MTNR1B: variants seen among roughly 807,000 people sequenced by gnomAD.
MTNR1B encodes the protein melatonin receptor 1B.
A neutral mutation model predicts 7.0 loss-of-function variants in MTNR1B; 7 were observed. The observed-to-expected ratio is 1.00, with a 90% confidence interval of 0.57 to 1.88. The LOEUF (loss-of-function observed/expected upper bound fraction) is 1.88, where lower values mean the gene tolerates loss of function less well. MTNR1B is among the 40% of genes most tolerant of loss of function. The pLI, the probability that MTNR1B is intolerant of heterozygous loss-of-function variation, is 0.00. For synonymous variants in MTNR1B, 226 were observed against 208.2 expected, an observed-to-expected ratio of 1.09 and a Z score of -0.74; for missense variants, 478 against 486.5, an observed-to-expected ratio of 0.98 and a Z score of 0.16.
At position 92,981,653 on chromosome 11, in the gene MTNR1B, C is replaced by T; in HGVS notation, c.430C>T (p.His144Tyr). Residue 144 changes from histidine (H) to tyrosine (Y), a missense_variant, in exon 2 of 2, where the codon CAC becomes TAC. By Grantham distance (83) the His-to-Tyr change is moderately conservative (BLOSUM62 2). Coordinates refer to ENST00000257068, the MANE Select transcript of MTNR1B (RefSeq NM_005959.5). The part of the protein sequence containing the change: ...IAINRYCYIC[H>Y]SMAYHRIYRR... ...CATTAACCGCTACTGCTACATCTGC[C>T]ACAGCATGGCCTACCACCGAATCTA... The T allele has an allele frequency of 6.2e-7, 1 of 1,614,172 alleles. No individual in the cohort carries two copies. Among genetic ancestry groups the T allele is most frequent in the Non-Finnish European group, 8.5e-7 (1 of 1,180,038 alleles).
downstream of MTNR1B, among the ~76,000 whole-genome samples, chr11:92,983,028 TC>T (rs1276788000): frequency 2.1e-5 from 3 of 145,480 alleles, no homozygotes; most frequent in African/African-American, 7.6e-5. Context: ...TCCATCATGT[TC>T]AGGTTGTGTG....
rs144605155 is a variant in MTNR1B at position 92,973,156 on chromosome 11, G to A, written c.223+3208G>A. 5.3e-5 allele frequency among the ~76,000 whole-genome samples: 8 copies of A among 152,026 alleles called. No individual in the cohort carries two copies. In the East Asian group the frequency reaches 1.6e-3, roughly 30 times the overall value. On this transcript the variant is annotated intron_variant, in intron 1 of 1. Coordinates refer to ENST00000257068, the MANE Select transcript of MTNR1B (RefSeq NM_005959.5). ...GATCTCCTTTTTCTCTTCATCTCCCGGATACCTGTGCCCTGAAAGTCATCT... is the reference window on the plus strand; with the variant it reads ...GATCTCCTTTTTCTCTTCATCTCCCAGATACCTGTGCCCTGAAAGTCATCT...
chr11:92,981,796 CTT>C lies in MTNR1B; in HGVS notation c.574_575del (p.Phe192HisfsTer76). The C allele has an allele frequency of 6.2e-7, 1 of 1,614,206 alleles. No individual in the cohort carries two copies. The highest frequency in any genetic ancestry group is 8.5e-7 in the Non-Finnish European group (1 of 1,180,048). On this transcript the variant is annotated frameshift_variant, in exon 2 of 2. Transcript: ENST00000257068. LOFTEE classifies it low-confidence loss of function (END_TRUNC). ...ACGACCCACGCATCTATTCCTGCAC[CTT>C]CATCCAGACCGCCAGCACCCAGTAC... ...EYDPRIYSCT[F>X]IQTASTQYTA...
At position 92,969,681 on chromosome 11, in the gene MTNR1B, T is replaced by C; in HGVS notation, c.-45T>C. 7.2e-7 allele frequency: 1 copy of C among 1,394,690 alleles called. No individual in the cohort carries two copies. The highest frequency in any genetic ancestry group is 2.9e-5 in the Admixed American group (1 of 34,362). The allele number at this position is 1,394,690 out of a possible 1,614,324, so 86.4% of individuals were successfully genotyped here. ...CAGTACTGCGCGCGCCCTGCGGCTG[T>C]CCGGGGCCGCGCGGTGGCCAAAGCA... On this transcript the variant is annotated 5_prime_UTR_variant, in exon 1 of 2. Transcript: ENST00000257068.
At chr11:92,972,653 G>T (rs1013842521) in intron 1 of MTNR1B, 11 of 411,946 alleles carry the variant, frequency 2.7e-5, no homozygotes, top group African/African-American at 8.2e-5. Flanking sequence ...CCATGGCACT[G>T]GGTTGGCACC....
intron 1 of MTNR1B, among the ~76,000 whole-genome samples, chr11:92,979,569 C>T (rs1179768972): frequency 6.6e-6 from 1 of 152,210 alleles, no homozygotes; most frequent in Non-Finnish European, 1.5e-5. Context: ...ATCCAACTTG[C>T]TGGACAATCT....
chr11:92,969,821 G>A lies in MTNR1B; in HGVS notation c.96G>A (p.Arg32=), dbSNP rs767402510. ...GGGCTGGCAGCGCGCGGCCCTCCAG[G>A]ACCCCTCGACCTCCCTGGGTGGCTC... ...WSGAGSARPS[R]TPRPPWVAPA... is the part of the protein sequence containing the mutation. The change falls in exon 1 of 2, where the codon AGG becomes AGA. Residue 32 remains arginine (R), a synonymous_variant. Transcript: ENST00000257068. 5.0e-6 allele frequency: 8 copies of A among 1,596,298 alleles called. No individual in the cohort carries two copies. In the South Asian group the frequency reaches 5.7e-5, roughly 11 times the overall value.
downstream of MTNR1B, among the ~76,000 whole-genome samples, chr11:92,984,532 G>A (rs925382524): frequency 2.0e-5 from 3 of 152,158 alleles, no homozygotes; most frequent in African/African-American, 7.2e-5. Context: ...ATTGTTTTCT[G>A]TTCTTGCTGC....
rs916408884 is a variant in MTNR1B, at chr11:92,981,670, C to T, written c.447C>T (p.His149=). Residue 149 remains histidine (H), a synonymous_variant, in exon 2 of 2, where the codon CAC becomes CAT. Transcript: ENST00000257068. The part of the protein sequence containing the change: ...YCYICHSMAY[H]RIYRRWHTPL... The stretch of plus-strand genomic sequence containing the variant: ...ACATCTGCCACAGCATGGCCTACCA[C>T]CGAATCTACCGGCGCTGGCACACCC... 40 of 1,614,134 alleles carry T rather than the reference C, an allele frequency of 2.5e-5. No homozygotes were observed. The highest frequency in any genetic ancestry group is 3.3e-5 in the Non-Finnish European group (39 of 1,180,058).
chr11:92,983,164 G>C (rs1858147936), downstream of MTNR1B, among the ~76,000 whole-genome samples: 1 of 152,100 alleles, frequency 6.6e-6, no homozygotes, highest in Non-Finnish European at 1.5e-5. Flanking sequence ...GCAGAGCTGA[G>C]GACAGTGCCT....
intron 1 of MTNR1B, chr11:92,972,516 G>T: frequency 2.2e-6 from 1 of 456,158 alleles, no homozygotes; most frequent in Non-Finnish European, 4.4e-6. Context: ...TTCAGAGATA[G>T]CACCAGAGAA....
intron 1 of MTNR1B, among the ~76,000 whole-genome samples, chr11:92,970,215 C>T: frequency 6.6e-6 from 1 of 152,222 alleles, no homozygotes; most frequent in Admixed American, 6.5e-5. Context: ...GGCGCCGGCG[C>T]TGTGGGAACC....
chr11:92,977,505 A>G (rs1369606270), intron 1 of MTNR1B, among the ~76,000 whole-genome samples: 2 of 152,216 alleles, frequency 1.3e-5, no homozygotes, highest in Admixed American at 1.3e-4. Context: ...TTTGAGGTAA[A>G]CAGCCATTCT....
downstream of MTNR1B, among the ~76,000 whole-genome samples, chr11:92,984,073 G>T (rs922656036): frequency 2.0e-5 from 3 of 152,142 alleles, no homozygotes; most frequent in African/African-American, 7.2e-5. Flanking sequence ...AGTGCAGTGG[G>T]CTAAGTACTG....
rs141804752 is a variant in MTNR1B, at chr11:92,969,904, T to A, written c.179T>A (p.Leu60Gln). The A allele has an allele frequency of 1.4e-5, 23 of 1,612,224 alleles. No individual in the cohort carries two copies. Among genetic ancestry groups the A allele is most frequent in the Non-Finnish European group, 1.8e-5 (21 of 1,179,674 alleles). ...TTAVDVVGNL[L>Q]VILSVLRNRK... The stretch of plus-strand genomic sequence containing the variant: ...GCCGTGGACGTCGTGGGCAACCTCC[T>A]GGTGATCCTCTCCGTGCTCAGGAAC... Residue 60 changes from leucine to glutamine, a missense_variant, in exon 1 of 2, where the codon CTG (leucine) becomes CAG (glutamine). Physicochemically the swap from Leu to Gln is moderately radical, Grantham distance 113. Coordinates refer to ENST00000257068, the MANE Select transcript of MTNR1B (RefSeq NM_005959.5).
chr11:92,974,154 G>T (rs1857975073), intron 1 of MTNR1B, among the ~76,000 whole-genome samples: 1 of 152,178 alleles, frequency 6.6e-6, no homozygotes, highest in African/African-American at 2.4e-5. Context: ...TGCTTTGGCT[G>T]TGTCCCTACC....
At chr11:92,970,016 C>A in intron 1 of MTNR1B, 68 bp downstream of exon 1, 13 of 1,423,078 alleles carry the variant, frequency 9.1e-6, no homozygotes, top group Non-Finnish European at 1.2e-5. Flanking sequence ...TTGTCCCTGA[C>A]CCCGGGATAT....
Position 92,969,863 on chromosome 11 carries a change from G to A in MTNR1B, c.138G>A (p.Val46=), listed in dbSNP as rs149595666. 7.4e-6 allele frequency: 12 copies of A among 1,611,404 alleles called. No homozygotes were observed. The highest frequency in any genetic ancestry group is 6.7e-5 in the African/African-American group (5 of 74,840). The change falls in exon 1 of 2, where the codon GTG becomes GTA. Residue 46 remains valine (V), a synonymous_variant. Coordinates refer to ENST00000257068, the MANE Select transcript of MTNR1B (RefSeq NM_005959.5). ...GGGTGGCTCCAGCGCTGTCCGCGGT[G>A]CTCATCGTCACCACCGCCGTGGACG... ...PPWVAPALSA[V]LIVTTAVDVV...
chr11:92,972,999 A>G (rs1380136340), intron 1 of MTNR1B, among the ~76,000 whole-genome samples: 1 of 151,922 alleles, frequency 6.6e-6, no homozygotes, highest in Non-Finnish European at 1.5e-5. Context: ...GTTCTACCCC[A>G]TTGCTTCCCG....
Sources: gnomAD v4.1 joint callset for allele counts (sites outside exome capture counted in the v4.1 genomes callset) on GRCh38, gnomAD v4.1.1 for gene constraint, MANE v1.5 for transcripts, NCBI Gene and HGNC (gene_info 2026-07-23, HGNC 2026-07-21) for gene names.